Variants in TMPRSS15 observed in about 807,000 individuals in gnomAD.
The protein encoded by TMPRSS15 is enteropeptidase.
In TMPRSS15, 128 loss-of-function variants were observed where a neutral mutation model predicts 125.3. The observed-to-expected ratio is 1.02, with a 90% CI of 0.89 to 1.18. The LOEUF is 1.18. Among genes scored for constraint, TMPRSS15 ranks in the 50% most tolerant of loss-of-function variants. The pLI is 0.00. For missense variants in TMPRSS15, 1,283 were observed against 1,212.7 expected (o/e 1.06, Z -0.86); for synonymous variants, 446 against 423.2 (o/e 1.05, Z -0.66).
chr21:18,296,412 T>C (rs2074908397), intron 19 of TMPRSS15, among the ~76,000 whole-genome samples: 1 of 152,172 alleles, frequency 6.6e-6, no homozygotes, highest in Non-Finnish European at 1.5e-5. Context: ...ATGTGGCTAA[T>C]TAAGGAAGGG....
intron 18 of TMPRSS15, among the ~76,000 whole-genome samples, chr21:18,304,336 G>A (rs1380731098): frequency 3.3e-5 from 5 of 152,096 alleles, no homozygotes; most frequent in Non-Finnish European, 5.9e-5. Flanking sequence ...GGGATGCTTT[G>A]TATAACTTCT....
chr21:18,411,026 C>T (rs1296344171), intron 1 of TMPRSS15, among the ~76,000 whole-genome samples: 2 of 151,998 alleles, frequency 1.3e-5, no homozygotes, highest in Non-Finnish European at 2.9e-5. Context: ...TACTACTTTA[C>T]AGAAGGATAC....
chr21:18,280,928 A>C, intron 22 of TMPRSS15, 112 bp downstream of exon 22: 1 of 1,174,710 alleles, frequency 8.5e-7, no homozygotes, highest in Non-Finnish European at 1.2e-6. Context: ...TGATTTATGT[A>C]ACAAATTATC....
At chr21:18,432,552 GT>G (rs896263171) in intron 1 of TMPRSS15, among the ~76,000 whole-genome samples, 11 of 152,126 alleles carry the variant, frequency 7.2e-5, no homozygotes, top group Non-Finnish European at 1.3e-4. Context: ...AGGAAAGAAG[GT>G]TATGTGAAGA....
intron 24 of TMPRSS15, among the ~76,000 whole-genome samples, chr21:18,273,098 C>T (rs1327672485): frequency 1.3e-5 from 2 of 152,110 alleles, no homozygotes; most frequent in African/African-American, 4.8e-5. Context: ...CATTGAAAGC[C>T]ATTGGAATAG....
In TMPRSS15 at chr21:18,313,090, A is replaced by G; in HGVS notation, c.2033-13T>C. On this transcript the variant is annotated splice_polypyrimidine_tract_variant and intron_variant, in intron 17 of 24. Coordinates refer to ENST00000284885, the MANE Select transcript of TMPRSS15 (RefSeq NM_002772.3). ...TTGAAAAAACGCACTAAAGACACAG[A>G]GAGCATAATGGTAGTTACCAGAGAC... 1 of 1,591,354 alleles carries G rather than the reference A, an allele frequency of 6.3e-7. No homozygotes were observed. Among genetic ancestry groups the G allele is most frequent in the Non-Finnish European group, 8.6e-7 (1 of 1,159,368 alleles).
intron 1 of TMPRSS15, among the ~76,000 whole-genome samples, chr21:18,476,705 A>T (rs1273831909): frequency 6.6e-6 from 1 of 152,196 alleles, no homozygotes; most frequent in East Asian, 1.9e-4. Flanking sequence ...GACCTAAAGA[A>T]AAACATTGCT....
rs1224620478 is a variant in TMPRSS15, at chr21:18,331,601, T to C, written c.1654+483A>G. 2.0e-5 allele frequency among the ~76,000 whole-genome samples: 3 copies of C among 152,260 alleles called. No individual in the cohort carries two copies. The East Asian group carries it at 5.8e-4, about 29-fold the overall frequency. Reference sequence around the variant, plus strand: ...TAATTACATTACTGTAGCTATCTGCTTTATTGGCTCTAGTGTATATTTGCA... The same window carrying C: ...TAATTACATTACTGTAGCTATCTGCCTTATTGGCTCTAGTGTATATTTGCA... On this transcript the variant is annotated intron_variant, in intron 14 of 24. Transcript: ENST00000284885.
At chr21:18,408,710 T>A (rs890762858), upstream of TMPRSS15, among the ~76,000 whole-genome samples, 3 of 152,110 alleles carry the variant, frequency 2.0e-5, no homozygotes, top group Non-Finnish European at 2.9e-5. Flanking sequence ...TTAATAAACA[T>A]CTTAACTAGG....
chr21:18,401,071 G>A (rs548376122), intron 1 of TMPRSS15, among the ~76,000 whole-genome samples: 27 of 152,032 alleles, frequency 1.8e-4, no homozygotes, highest in African/African-American at 6.0e-4. Flanking sequence ...CCAAAGAATC[G>A]AAAAACAACA....
At chr21:18,381,540 A>G (rs2075892901) in intron 4 of TMPRSS15, among the ~76,000 whole-genome samples, 1 of 152,186 alleles carries the variant, frequency 6.6e-6, no homozygotes, top group Admixed American at 6.6e-5. Context: ...ACACAATTCA[A>G]CAAGTTAAAT....
intron 4 of TMPRSS15, among the ~76,000 whole-genome samples, chr21:18,379,814 G>A (rs1311995806): frequency 1.3e-5 from 2 of 151,916 alleles, no homozygotes; most frequent in Non-Finnish European, 2.9e-5. Context: ...AAAGTATTAC[G>A]ACCTCTCTAC....
intron 4 of TMPRSS15, among the ~76,000 whole-genome samples, chr21:18,380,811 G>T (rs1401875975): frequency 2.0e-5 from 3 of 151,982 alleles, no homozygotes; most frequent in Non-Finnish European, 4.4e-5. Context: ...CAAAAAGTTT[G>T]CTTTATTTTA....
At chr21:18,316,815 G>A (rs1376851010) in intron 16 of TMPRSS15, among the ~76,000 whole-genome samples, 1 of 152,080 alleles carries the variant, frequency 6.6e-6, no homozygotes, top group African/African-American at 2.4e-5. Context: ...TGGGAGAGAG[G>A]GGTTTGCTTC....
At position 18,344,047 on chromosome 21, in the gene TMPRSS15, A is replaced by G. The variant is rs751396694; in HGVS notation, c.1185T>C (p.Ser395=). ...TFGNASGFYI[S]TPTGPGGRQE... Reference sequence around the variant, plus strand: ...GTCTCCCTCCTGGTCCAGTTGGGGTAGAAATGTAAAATCCTGTAAAAATAT... The same window carrying G: ...GTCTCCCTCCTGGTCCAGTTGGGGTGGAAATGTAAAATCCTGTAAAAATAT... Residue 395 remains serine (S), a synonymous_variant, in exon 11 of 25, where the codon TCT becomes TCC. Transcript: ENST00000284885. 5.6e-6 allele frequency: 9 copies of G among 1,613,618 alleles called. No individual in the cohort carries two copies. In the South Asian group the frequency reaches 9.9e-5, roughly 18 times the overall value.
chr21:18,332,302 T>C, intron 13 of TMPRSS15, 129 bp from the exon 14 acceptor site: 4 of 799,220 alleles, frequency 5.0e-6, no homozygotes, highest in Non-Finnish European at 6.4e-6. Flanking sequence ...TTTAGAGTCA[T>C]GTTAGGGTAA....
intron 18 of TMPRSS15, among the ~76,000 whole-genome samples, chr21:18,303,911 A>G (rs934998187): frequency 6.6e-6 from 1 of 152,238 alleles, no homozygotes; most frequent in Non-Finnish European, 1.5e-5. Flanking sequence ...GTGGTGGTGC[A>G]AAGAAACGAC....
chr21:18,443,320 A>G (rs757945810), intron 1 of TMPRSS15, among the ~76,000 whole-genome samples: 2 of 152,164 alleles, frequency 1.3e-5, no homozygotes, highest in Non-Finnish European at 2.9e-5. Context: ...AGCAGGGGAC[A>G]CAGAAAGCAG....
intron 1 of TMPRSS15, among the ~76,000 whole-genome samples, chr21:18,446,886 T>C (rs2076256876): frequency 7.9e-6 from 1 of 126,464 alleles, no homozygotes; most frequent in African/African-American, 2.8e-5. Flanking sequence ...TTTGTTTGTT[T>C]GTTTTTTATA....
Sources: allele counts gnomAD v4.1 joint callset (sites outside exome capture counted in the v4.1 genomes callset), GRCh38; gene constraint gnomAD v4.1.1; transcripts MANE v1.5; gene names NCBI Gene and HGNC (gene_info 2026-07-23, HGNC 2026-07-21).